The following PCDHGA1 variants were observed in gnomAD, a reference collection of about 807,000 sequenced individuals.
PCDHGA1 encodes protocadherin gamma-A1.
PCDHGA1 carries 32 observed loss-of-function variants against 58.0 expected under a neutral mutation model. The observed-to-expected ratio is 0.55, with a 90% CI of 0.42 to 0.74. The LOEUF (loss-of-function observed/expected upper bound fraction) is 0.74. Among genes scored for constraint, PCDHGA1 ranks in the 30% least tolerant of loss-of-function variants. PCDHGA1 has a pLI of 0.00. For synonymous variants in PCDHGA1, 498 were observed against 501.1 expected (o/e 0.99, Z 0.08); for missense variants, 1,205 against 1,182.3 (o/e 1.02, Z -0.28).
intron 1 of PCDHGA1, chr5:141,382,898 C>T (rs938652730): frequency 6.5e-7 from 1 of 1,541,064 alleles, no homozygotes. Context: ...AGCAGGACGA[C>T]TATGGCGGCT....
chr5:141,417,861 T>A, intron 1 of PCDHGA1: 3 of 1,549,554 alleles, frequency 1.9e-6, no homozygotes, highest in Non-Finnish European at 2.6e-6. Context: ...GAGCGAACGA[T>A]GGGAGGGAGC....
At chr5:141,488,855 C>T (rs1441666819) in intron 1 of PCDHGA1, among the ~76,000 whole-genome samples, 2 of 152,190 alleles carry the variant, frequency 1.3e-5, no homozygotes, top group Non-Finnish European at 1.5e-5. Context: ...ACCTGCAGCA[C>T]GAAGTGAGTG....
intron 1 of PCDHGA1, chr5:141,383,947 A>T (rs757638644): frequency 6.2e-7 from 1 of 1,613,788 alleles, no homozygotes; most frequent in Non-Finnish European, 8.5e-7. Context: ...AGTGACTATG[A>T]CGTCTTTAAG....
At chr5:141,482,234 A>G (rs11748256) in intron 1 of PCDHGA1, among the ~76,000 whole-genome samples, 44,758 of 152,044 alleles carry the variant, frequency 0.29, 7,110 homozygotes, top group African/African-American at 0.42. Context: ...GAAATTGCCA[A>G]TATAAGTATA....
At chr5:141,356,556 C>T (rs757470408) in intron 1 of PCDHGA1, 1 of 1,614,036 alleles carries the variant, frequency 6.2e-7, no homozygotes, top group African/African-American at 1.3e-5. Flanking sequence ...CACCCACTTT[C>T]CCTCATGCTT....
At chr5:141,350,479 C>G (rs376831132) in intron 1 of PCDHGA1, 1 of 1,613,916 alleles carries the variant, frequency 6.2e-7, no homozygotes, top group Non-Finnish European at 8.5e-7. Flanking sequence ...ATTATTTCAA[C>G]GTTAGTTTGG....
chr5:141,375,929 C>T, intron 1 of PCDHGA1: 1 of 1,613,738 alleles, frequency 6.2e-7, no homozygotes, highest in South Asian at 1.1e-5. Context: ...CGAGCCAGGA[C>T]TTTTCTCAGT....
Position 141,370,893 on chromosome 5 carries a change from C to G in PCDHGA1, c.2421+37788C>G, listed in dbSNP as rs116495533. On this transcript the variant is annotated intron_variant, in intron 1 of 3. Coordinates refer to ENST00000517417, the MANE Select transcript of PCDHGA1 (RefSeq NM_018912.3). ...AGATCCTGATGTAGGTGTCAATTCG[C>G]TGCAGCAGTACTACCTCAGCCCTGA... The G allele has an allele frequency of 1.9e-3, 3,002 of 1,614,052 alleles. 48 individuals carry two copies. In the African/African-American group the frequency reaches 0.033, roughly 18 times the overall value.
chr5:141,379,192 T>A (rs970501153), intron 1 of PCDHGA1: 36 of 152,346 alleles, frequency 2.4e-4, no homozygotes, highest in African/African-American at 8.7e-4. Context: ...AGTTGATGTG[T>A]TTTTAAATAA....
At chr5:141,413,572 A>C in intron 1 of PCDHGA1, 2 of 1,613,890 alleles carry the variant, frequency 1.2e-6, no homozygotes, top group Non-Finnish European at 1.7e-6. Context: ...TATCAATGAC[A>C]ATGCTCCAAA....
In PCDHGA1 at chr5:141,340,887, A is replaced by G. The variant is rs1365157784; in HGVS notation, c.2421+7782A>G. The G allele has an allele frequency of 5.6e-6, 9 of 1,613,668 alleles. No homozygotes were observed. The East Asian group carries it at 1.8e-4, about 32-fold the overall frequency. On this transcript the variant is annotated intron_variant, in intron 1 of 3. Coordinates refer to ENST00000517417, the MANE Select transcript of PCDHGA1 (RefSeq NM_018912.3). ...GCCCTGCTGGACAGAGACGCGCTCA[A>G]GCAGAGCCTCGTGGTGGCCATCCAG...
At chr5:141,404,211 T>G in intron 1 of PCDHGA1, 1 of 1,613,724 alleles carries the variant, frequency 6.2e-7, no homozygotes, top group East Asian at 2.2e-5. Context: ...GAATATAATA[T>G]CACGGTGACT....
At chr5:141,494,755 C>T (rs1246224213) in intron 1 of PCDHGA1, 52 bp from the exon 2 acceptor site, 18 of 1,613,724 alleles carry the variant, frequency 1.1e-5, no homozygotes, top group African/African-American at 1.3e-5. Context: ...GCTCGGGTGA[C>T]ATTCTAACTT....
rs1028054307 is a variant in PCDHGA1 at position 141,417,708 on chromosome 5, G to A, written c.2422-77099G>A. The A allele has an allele frequency of 2.4e-5, 29 of 1,227,762 alleles. No homozygotes were observed. In the South Asian group the frequency reaches 2.9e-4, roughly 12 times the overall value. 76.1% of individuals were successfully genotyped at this position (1,227,762 alleles called of 1,614,324 possible). On this transcript the variant is annotated intron_variant, in intron 1 of 3. Transcript: ENST00000517417. ...AAAGAAAACCAGCTCCCACACAGAG[G>A]CTCCCGGCTGCGCAGACCTTGCCCA... is the stretch of plus-strand genomic sequence containing the variant.
intron 1 of PCDHGA1, among the ~76,000 whole-genome samples, chr5:141,446,193 T>C (rs1402824950): frequency 6.6e-6 from 1 of 152,208 alleles, no homozygotes; most frequent in East Asian, 1.9e-4. Flanking sequence ...TTTATTATTA[T>C]ATTCCTAGGT....
intron 1 of PCDHGA1, among the ~76,000 whole-genome samples, chr5:141,481,031 C>G (rs926205148): frequency 1.3e-5 from 2 of 152,108 alleles, no homozygotes; most frequent in Non-Finnish European, 2.9e-5. Flanking sequence ...GCACTCCAGC[C>G]TGGGCGACAG....
At chr5:141,507,442 C>T (rs748782097) in intron 3 of PCDHGA1, among the ~76,000 whole-genome samples, 1 of 152,162 alleles carries the variant, frequency 6.6e-6, no homozygotes, top group African/African-American at 2.4e-5. Flanking sequence ...CTACAGCTGA[C>T]GGAAGGACAG....
rs1562142740 is a variant in PCDHGA1, at chr5:141,490,958, ACT to A, written c.2422-3847_2422-3846del. 1 of 1,613,728 alleles carries A rather than the reference ACT, an allele frequency of 6.2e-7. No homozygotes were observed. Among genetic ancestry groups the A allele is most frequent in the Non-Finnish European group, 8.5e-7 (1 of 1,179,830 alleles). On this transcript the variant is annotated intron_variant, in intron 1 of 3. Transcript: ENST00000517417. The surrounding 1 kb of genome is among the most constrained non-coding windows in gnomAD (Gnocchi z 5.4). Reference sequence around the variant, plus strand: ...CTGCACCCACGGCCAGACTGGGAACACTCAGCCCCCCAGCGTCTCCCTCGCTC... The same window carrying A: ...CTGCACCCACGGCCAGACTGGGAACACAGCCCCCCAGCGTCTCCCTCGCTC...
At chr5:141,374,150 C>T in intron 1 of PCDHGA1, 1 of 1,611,806 alleles carries the variant, frequency 6.2e-7, no homozygotes, top group Non-Finnish European at 8.5e-7. Context: ...CCTGGGGACG[C>T]TGTGGGGGGC....
Sources: allele counts gnomAD v4.1 joint callset (sites outside exome capture counted in the v4.1 genomes callset), GRCh38; gene constraint gnomAD v4.1.1; non-coding constraint Gnocchi (gnomAD v3.1); transcripts MANE v1.5; gene names NCBI Gene and HGNC (gene_info 2026-07-23, HGNC 2026-07-21).